The following HOOK3 variants were observed in gnomAD, a reference collection of about 807,000 sequenced individuals.
HOOK3 encodes protein Hook homolog 3.
HOOK3 carries 24 observed loss-of-function variants against 116.3 expected under a neutral mutation model. That is an observed-to-expected ratio of 0.21 (90% CI 0.15 to 0.29). The LOEUF is 0.29. Among genes scored for constraint, HOOK3 ranks in the 10% least tolerant of loss-of-function variants. The pLI is 1.00. For missense variants in HOOK3, 632 were observed against 830.2 expected (o/e 0.76, Z 2.93); for synonymous variants, 275 against 283.0 (o/e 0.97, Z 0.28).
In HOOK3 at chr8:42,986,713, T is replaced by G. The variant is rs199832300; in HGVS notation, c.1450T>G (p.Ser484Ala). 140 of 1,613,944 alleles carry G rather than the reference T, an allele frequency of 8.7e-5. 1 individual carries two copies. The highest frequency in any genetic ancestry group is 3.5e-4 in the Admixed American group (21 of 59,990). Residue 484 changes from serine to alanine, a missense_variant, in exon 15 of 22, where the codon TCG (serine) becomes GCG (alanine). By Grantham distance (99) the Ser-to-Ala change is moderately conservative (BLOSUM62 1). Transcript: ENST00000307602. ...GATGTTAAAGCTTAACCAAGAAGGTTCGGACAATGAAAAAATAGCCTTATT... is the reference window on the plus strand; with the variant it reads ...GATGTTAAAGCTTAACCAAGAAGGTGCGGACAATGAAAAAATAGCCTTATT... ...NKMLKLNQEG[S>A]DNEKIALLQS... is the part of the protein sequence containing the mutation.
At chr8:42,944,112 A>C (rs557353853) in intron 5 of HOOK3, among the ~76,000 whole-genome samples, 1 of 152,220 alleles carries the variant, frequency 6.6e-6, no homozygotes, top group East Asian at 1.9e-4. Context: ...TAATTGTAAA[A>C]CTCTTAGAAA....
chr8:42,997,669 T>A, intron 16 of HOOK3, 32 bp downstream of exon 16: 1 of 1,129,340 alleles, frequency 8.9e-7, no homozygotes, highest in Non-Finnish European at 1.4e-6. Flanking sequence ...CGATGGTCCA[T>A]CAGTTTCACA....
At chr8:42,910,102 A>C (rs1165113754) in intron 2 of HOOK3, among the ~76,000 whole-genome samples, 4 of 152,216 alleles carry the variant, frequency 2.6e-5, no homozygotes, top group Admixed American at 2.6e-4. Context: ...AAAACATAAA[A>C]ATTTGAGGCA....
At chr8:43,003,479 T>C (rs1177664655) in intron 17 of HOOK3, among the ~76,000 whole-genome samples, 1 of 152,200 alleles carries the variant, frequency 6.6e-6, no homozygotes, top group Non-Finnish European at 1.5e-5. Context: ...AAAAATATAA[T>C]ACCTGTCATT....
At chr8:42,951,201 C>T (rs918807348) in intron 6 of HOOK3, among the ~76,000 whole-genome samples, 1 of 152,144 alleles carries the variant, frequency 6.6e-6, no homozygotes, top group Admixed American at 6.5e-5. Context: ...GCTGGGACTA[C>T]AAGCACATGC....
chr8:43,003,606 T>C (rs1262245266), intron 17 of HOOK3, among the ~76,000 whole-genome samples: 1 of 152,206 alleles, frequency 6.6e-6, no homozygotes, highest in African/African-American at 2.4e-5. Context: ...ATAGCTACCA[T>C]GTCAAATTAC....
At chr8:42,937,928 A>C (rs1295708866) in intron 4 of HOOK3, among the ~76,000 whole-genome samples, 3 of 152,170 alleles carry the variant, frequency 2.0e-5, no homozygotes, top group Non-Finnish European at 4.4e-5. Context: ...AGCTGAGTTC[A>C]AGTCCTGAAT....
intron 3 of HOOK3, among the ~76,000 whole-genome samples, chr8:42,929,828 A>T (rs1402779858): frequency 4.6e-5 from 7 of 152,128 alleles, no homozygotes; most frequent in Admixed American, 6.5e-5. Flanking sequence ...AGAAAACCTA[A>T]ATAATTTAAT....
At chr8:42,976,378 T>C (rs1187163781) in intron 13 of HOOK3, among the ~76,000 whole-genome samples, 1 of 152,112 alleles carries the variant, frequency 6.6e-6, no homozygotes, top group Non-Finnish European at 1.5e-5. Context: ...GGTATGGTGG[T>C]GTGTGCCTGT....
chr8:42,897,675 C>T (rs1807050911), intron 1 of HOOK3, among the ~76,000 whole-genome samples: 1 of 152,240 alleles, frequency 6.6e-6, no homozygotes, highest in Non-Finnish European at 1.5e-5. Context: ...GGGCGGACGC[C>T]TGTCAGAGGC....
At chr8:42,906,087 C>CA (rs35347216) in intron 1 of HOOK3, 86 bp from the exon 2 acceptor site, 9,241 of 393,868 alleles carry the variant, frequency 0.023, 1 homozygote, top group South Asian at 0.032. Flanking sequence ...ACTCCGTCTC[C>CA]AAAAAAAAAA....
intron 2 of HOOK3, among the ~76,000 whole-genome samples, chr8:42,919,591 C>T (rs978476988): frequency 1.3e-5 from 2 of 152,192 alleles, no homozygotes; most frequent in Non-Finnish European, 2.9e-5. Context: ...CCAAGGCAGG[C>T]GGCTGGGAGG....
At chr8:42,974,362 TC>T (rs1230685800) in intron 13 of HOOK3, among the ~76,000 whole-genome samples, 168 bp downstream of exon 13, 12 of 152,156 alleles carry the variant, frequency 7.9e-5, no homozygotes, top group Non-Finnish European at 1.8e-4. Flanking sequence ...TGCCTCAGCC[TC>T]CCAAGTAGTT....
chr8:42,909,727 A>C, intron 2 of HOOK3, among the ~76,000 whole-genome samples: 1 of 152,192 alleles, frequency 6.6e-6, no homozygotes, highest in East Asian at 1.9e-4. Context: ...GGCCTGACAA[A>C]GTGCTGAGAT....
At chr8:43,014,285 GA>G (rs1195987584) in intron 21 of HOOK3, among the ~76,000 whole-genome samples, 16,417 of 66,642 alleles carry the variant, frequency 0.25, 1,169 homozygotes, top group South Asian at 0.34. Flanking sequence ...GACTGTCTCA[GA>G]AAAAAAAAAA....
At chr8:42,897,940 AGGGATGCGCAGAGCCC>A (rs1807073334) in intron 1 of HOOK3, among the ~76,000 whole-genome samples, 1 of 151,530 alleles carries the variant, frequency 6.6e-6, no homozygotes, top group African/African-American at 2.4e-5. Flanking sequence ...GGGGAGGGGG[AGGGATGCGCAGAGCCC>A]GGGCGGACCC....
chr8:43,027,083 G>C lies in HOOK3; in HGVS notation c.*8585G>C, dbSNP rs568620700. On this transcript the variant is annotated 3_prime_UTR_variant, in exon 22 of 22. Transcript: ENST00000307602. ...ATTTTTGTATTTTTAGTAAAGACAG[G>C]GTGTCGCCATATTGGCTAGGCTGGT... is the stretch of plus-strand genomic sequence containing the variant. 2 of 180,152 alleles carry C rather than the reference G, an allele frequency of 1.1e-5. No individual in the cohort carries two copies. The highest frequency in any genetic ancestry group is 3.5e-4 in the South Asian group (2 of 5,636). The allele number at this position is 180,152 out of a possible 1,614,324, so 11.2% of individuals were successfully genotyped here. A position where few individuals can be genotyped will look rare whatever the true frequency, so the allele number is the denominator to read the frequency against.
intron 9 of HOOK3, 126 bp downstream of exon 9, chr8:42,964,600 G>T: frequency 5.2e-6 from 4 of 764,480 alleles, no homozygotes; most frequent in Non-Finnish European, 6.1e-6. Context: ...GCTGAGGCGG[G>T]CTGATCACTT....
At chr8:42,988,983 T>G (rs911179189) in intron 15 of HOOK3, among the ~76,000 whole-genome samples, 1 of 151,910 alleles carries the variant, frequency 6.6e-6, no homozygotes, top group Non-Finnish European at 1.5e-5. Context: ...CCACTGAGTC[T>G]GTTACAGTTT....
Sources: gnomAD v4.1 joint callset for allele counts (sites outside exome capture counted in the v4.1 genomes callset) on GRCh38, gnomAD v4.1.1 for gene constraint, MANE v1.5 for transcripts, NCBI Gene and HGNC (gene_info 2026-07-23, HGNC 2026-07-21) for gene names.